CNBD1: variants seen among roughly 807,000 people sequenced by gnomAD.
CNBD1 encodes the protein cyclic nucleotide-binding domain-containing protein 1.
CNBD1 carries 71 observed loss-of-function variants against 54.4 expected under a neutral mutation model. The observed-to-expected ratio is 1.30, with a 90% CI of 1.08 to 1.59. The LOEUF (loss-of-function observed/expected upper bound fraction) is 1.59, where lower values mean the gene tolerates loss of function less well. Ranked by LOEUF, CNBD1 falls within the 40% of genes most tolerant of loss-of-function variation. CNBD1 has a pLI of 0.00. For synonymous variants in CNBD1, 182 were observed against 170.7 expected (o/e 1.07, Z -0.51); for missense variants, 659 against 518.0 (o/e 1.27, Z -2.64).
chr8:86,939,232 A>C (rs1186556540), intron 3 of CNBD1, among the ~76,000 whole-genome samples: 9 of 152,192 alleles, frequency 5.9e-5, no homozygotes, highest in Admixed American at 5.2e-4. Flanking sequence ...CTAAAAAAAA[A>C]CACTGAAAAA....
rs1456634785 is a variant in CNBD1, at chr8:87,404,790, T to G, written c.214-23756T>G. On this transcript the variant is annotated intron_variant, in intron 2 of 7. Transcript: ENST00000521593. Reference sequence around the variant, plus strand: ...CATTTAATTTACTATCCAGATCTTCTGCTACTAGTCAGTCATCCTTTTTAT... The same window carrying G: ...CATTTAATTTACTATCCAGATCTTCGGCTACTAGTCAGTCATCCTTTTTAT... 2.0e-5 allele frequency among the ~76,000 whole-genome samples: 3 copies of G among 152,146 alleles called. No homozygotes were observed. In the East Asian group the frequency reaches 5.8e-4, roughly 29 times the overall value.
chr8:86,907,779 G>C (rs1809040602), intron 3 of CNBD1, among the ~76,000 whole-genome samples: 1 of 151,902 alleles, frequency 6.6e-6, no homozygotes, highest in South Asian at 2.1e-4. Context: ...AGTATACATA[G>C]TTCCCACATT....
intron 4 of CNBD1, among the ~76,000 whole-genome samples, chr8:86,964,940 C>T (rs903219936): frequency 6.6e-6 from 1 of 152,122 alleles, no homozygotes; most frequent in African/African-American, 2.4e-5. Context: ...ACTATTTGCC[C>T]TCGTGTTTAT....
At chr8:87,263,502 C>G (rs557666141) in intron 6 of CNBD1, among the ~76,000 whole-genome samples, 1 of 151,992 alleles carries the variant, frequency 6.6e-6, no homozygotes, top group Non-Finnish European at 1.5e-5. Flanking sequence ...AATAAATACA[C>G]ACAGTCACAA....
chr8:87,395,708 A>G (rs1399559581), intron 2 of CNBD1, among the ~76,000 whole-genome samples: 1 of 151,850 alleles, frequency 6.6e-6, no homozygotes, highest in African/African-American at 2.4e-5. Flanking sequence ...GGTTAATGCA[A>G]CACAGATGAT....
chr8:87,136,252 G>C (rs1586280827), intron 4 of CNBD1, among the ~76,000 whole-genome samples: 1 of 151,694 alleles, frequency 6.6e-6, no homozygotes, highest in African/African-American at 2.4e-5. Flanking sequence ...TTATTTTCAT[G>C]GTTAATTTAC....
At chr8:87,222,359 G>C (rs569312339) in intron 5 of CNBD1, among the ~76,000 whole-genome samples, 22 of 152,252 alleles carry the variant, frequency 1.4e-4, no homozygotes, top group Non-Finnish European at 3.1e-4. Context: ...ATATGAGCTG[G>C]AGATACAGAG....
intron 1 of CNBD1, among the ~76,000 whole-genome samples, chr8:86,885,750 G>A (rs1808672690): frequency 6.6e-6 from 1 of 152,162 alleles, no homozygotes; most frequent in Non-Finnish European, 1.5e-5. Context: ...CTGAGGATCA[G>A]CAAAGAGATG....
chr8:87,190,041 A>G (rs1335260803), intron 4 of CNBD1, among the ~76,000 whole-genome samples: 5 of 152,194 alleles, frequency 3.3e-5, no homozygotes, highest in East Asian at 1.9e-4. Flanking sequence ...AACAGCCACA[A>G]TGCTGCTTCT....
At chr8:87,048,198 G>A (rs1435964935) in intron 4 of CNBD1, among the ~76,000 whole-genome samples, 7 of 152,148 alleles carry the variant, frequency 4.6e-5, no homozygotes, top group African/African-American at 1.7e-4. Context: ...GTTAAATAAG[G>A]GCAGTCCTAT....
chr8:87,424,555 G>T (rs1346333539), intron 2 of CNBD1, among the ~76,000 whole-genome samples: 1 of 152,164 alleles, frequency 6.6e-6, no homozygotes, highest in Non-Finnish European at 1.5e-5. Context: ...TTCAGGAGCA[G>T]GTTGTTCAGT....
chr8:87,206,222 TTC>T, intron 5 of CNBD1, 84 bp downstream of exon 5: 1 of 1,070,432 alleles, frequency 9.3e-7, no homozygotes, highest in Non-Finnish European at 1.3e-6. Flanking sequence ...TGCTTATAAT[TTC>T]ACTTAACAAT....
At chr8:86,895,931 C>T (rs1808841477) in intron 2 of CNBD1, among the ~76,000 whole-genome samples, 1 of 151,964 alleles carries the variant, frequency 6.6e-6, no homozygotes, top group Admixed American at 6.6e-5. Context: ...TATTCATGTC[C>T]TTTGCACATT....
intron 4 of CNBD1, among the ~76,000 whole-genome samples, chr8:87,056,540 G>A (rs1184979780): frequency 1.3e-5 from 2 of 152,090 alleles, no homozygotes; most frequent in Non-Finnish European, 2.9e-5. Context: ...TAAACCAACA[G>A]TATTTTAATA....
At chr8:86,933,869 C>A (rs1436941254) in intron 3 of CNBD1, among the ~76,000 whole-genome samples, 4 of 152,076 alleles carry the variant, frequency 2.6e-5, no homozygotes, top group Admixed American at 2.0e-4. Context: ...GTGTAACAAT[C>A]CAATTGAGTA....
chr8:87,323,402 G>T (rs1267115020), intron 8 of CNBD1, among the ~76,000 whole-genome samples: 1 of 139,966 alleles, frequency 7.1e-6, no homozygotes, highest in Non-Finnish European at 1.6e-5. Context: ...GGGCAGTACG[G>T]CCATTTTCAC....
intron 4 of CNBD1, among the ~76,000 whole-genome samples, chr8:87,144,211 A>G (rs1380721396): frequency 6.6e-6 from 1 of 152,196 alleles, no homozygotes; most frequent in Non-Finnish European, 1.5e-5. Flanking sequence ...AAAACCTTCT[A>G]AAACCAGAAA....
chr8:87,200,384 T>A (rs1366510208), intron 4 of CNBD1, among the ~76,000 whole-genome samples: 3 of 151,794 alleles, frequency 2.0e-5, no homozygotes, highest in African/African-American at 7.3e-5. Flanking sequence ...AAATGAATGC[T>A]CACAAAAATG....
At chr8:87,387,184 G>A (rs1477461505), downstream of CNBD1, among the ~76,000 whole-genome samples, 2 of 152,152 alleles carry the variant, frequency 1.3e-5, no homozygotes, top group Admixed American at 1.3e-4. Flanking sequence ...AGGTTAGGAA[G>A]AAACTGCATC....
Sources: allele counts gnomAD v4.1 joint callset (sites outside exome capture counted in the v4.1 genomes callset), GRCh38; gene constraint gnomAD v4.1.1; transcripts MANE v1.5; gene names NCBI Gene and HGNC (gene_info 2026-07-23, HGNC 2026-07-21).